Variants in DPP6 observed in about 807,000 individuals in gnomAD.
DPP6 encodes dipeptidyl peptidase like 6.
Under a neutral mutation model 122.6 loss-of-function variants are expected in DPP6, and 69 were observed. The ratio of observed to expected loss-of-function variants is 0.56; its 90% CI spans 0.46 to 0.69. The LOEUF (loss-of-function observed/expected upper bound fraction) is 0.69, where lower values mean the gene tolerates loss of function less well. DPP6 is among the 30% of genes least tolerant of loss of function. The pLI, the probability that DPP6 is intolerant of heterozygous loss-of-function variation, is 0.00. For missense variants in DPP6, 928 were observed against 1,116.9 expected (o/e 0.83, Z 2.41); for synonymous variants, 418 against 433.1 (o/e 0.97, Z 0.43).
chr7:154,019,204 G>A (rs1316347089), intron 1 of DPP6, among the ~76,000 whole-genome samples: 6 of 152,120 alleles, frequency 3.9e-5, no homozygotes, highest in Non-Finnish European at 5.9e-5. Context: ...TGCTTATTAA[G>A]AGTCTGTTAT....
rs186233086 is a variant in DPP6, at chr7:154,892,340, C to A, written c.2458C>A (p.Pro820Thr). The change falls in exon 26 of 26, where the codon CCG becomes ACG. Residue 820 changes from proline to threonine, a missense_variant. Physicochemically the swap from Pro to Thr is conservative, Grantham distance 38. Transcript: ENST00000377770. ...GKANYSLQIY[P>T]DESHYFTSSS... ...CTCCGTGCCTTCCTTGCAGATTTACCCGGACGAAAGCCATTACTTTACCAG... is the reference window on the plus strand; with the variant it reads ...CTCCGTGCCTTCCTTGCAGATTTACACGGACGAAAGCCATTACTTTACCAG... 2 of 1,614,016 alleles carry A rather than the reference C, an allele frequency of 1.2e-6. No individual in the cohort carries two copies. Among genetic ancestry groups the A allele is most frequent in the Non-Finnish European group, 1.7e-6 (2 of 1,179,886 alleles).
At chr7:154,183,067 G>A (rs1024832644) in intron 1 of DPP6, among the ~76,000 whole-genome samples, 3 of 152,188 alleles carry the variant, frequency 2.0e-5, no homozygotes, top group Admixed American at 6.5e-5. Flanking sequence ...TTCACTTCCC[G>A]GATAAGGATT....
intron 8 of DPP6, among the ~76,000 whole-genome samples, chr7:154,750,931 G>A (rs1416806871): frequency 6.6e-6 from 1 of 152,194 alleles, no homozygotes; most frequent in African/African-American, 2.4e-5. Context: ...GGCTCTGGGT[G>A]GTGACATCTC....
At chr7:154,072,187 A>G (rs1282964188) in intron 1 of DPP6, among the ~76,000 whole-genome samples, 23 of 152,286 alleles carry the variant, frequency 1.5e-4, no homozygotes, top group African/African-American at 5.3e-4. Flanking sequence ...AAAACTGGCA[A>G]GATGGAAGAG....
chr7:154,329,548 G>C (rs1175715004), intron 1 of DPP6, among the ~76,000 whole-genome samples: 1 of 152,210 alleles, frequency 6.6e-6, no homozygotes. Flanking sequence ...ATGCTGGAGA[G>C]GATGTGGAGA....
chr7:154,141,124 G>T (rs1309932677), intron 1 of DPP6, among the ~76,000 whole-genome samples: 2 of 152,208 alleles, frequency 1.3e-5, no homozygotes, highest in Non-Finnish European at 2.9e-5. Context: ...AAGCTCTCAC[G>T]TTTGGAGAAG....
At chr7:153,761,471 TCAA>T in the DPP6 span, among the ~76,000 whole-genome samples, 1 of 152,226 alleles carries the variant, frequency 6.6e-6, no homozygotes, top group African/African-American at 2.4e-5. Context: ...GAAAAGCTTG[TCAA>T]CAATTTGACA....
chr7:154,700,265 G>T (rs55931324), intron 7 of DPP6, among the ~76,000 whole-genome samples: 9 of 152,166 alleles, frequency 5.9e-5, no homozygotes, highest in Non-Finnish European at 1.3e-4. Flanking sequence ...TTTCTACAAG[G>T]TTCTGGTGTA....
At chr7:154,461,830 G>C (rs960848651) in intron 2 of DPP6, among the ~76,000 whole-genome samples, 9 of 152,068 alleles carry the variant, frequency 5.9e-5, no homozygotes, top group Admixed American at 4.6e-4. Flanking sequence ...TTTTAACTTT[G>C]TTGATTGTTT....
intron 10 of DPP6, among the ~76,000 whole-genome samples, chr7:154,777,898 T>C (rs539058618): frequency 2.0e-5 from 3 of 152,194 alleles, no homozygotes; most frequent in African/African-American, 7.2e-5. Context: ...TCACTTTCAT[T>C]TTCTTTTGCT....
chr7:154,045,591 T>TA (rs1275764748), intron 1 of DPP6, among the ~76,000 whole-genome samples: 1 of 152,200 alleles, frequency 6.6e-6, no homozygotes, highest in Non-Finnish European at 1.5e-5. Context: ...ATGAGTAGAT[T>TA]AAAAATGCTA....
chr7:154,495,674 G>C (rs1440366366), intron 3 of DPP6, among the ~76,000 whole-genome samples: 1 of 152,154 alleles, frequency 6.6e-6, no homozygotes, highest in Non-Finnish European at 1.5e-5. Flanking sequence ...ACAGGTGTGA[G>C]CCACTGCGGC....
chr7:153,825,322 G>A, the DPP6 span, among the ~76,000 whole-genome samples: 5 of 152,008 alleles, frequency 3.3e-5, no homozygotes, highest in African/African-American at 9.7e-5. Context: ...AGGCTCTACC[G>A]TAGATAGACG....
chr7:154,080,427 G>A (rs1202806763), intron 1 of DPP6, among the ~76,000 whole-genome samples: 1 of 152,170 alleles, frequency 6.6e-6, no homozygotes, highest in East Asian at 1.9e-4. Context: ...CTTCTCTTAT[G>A]TAAGAATGTT....
intron 18 of DPP6, among the ~76,000 whole-genome samples, chr7:154,870,737 C>T (rs541424771): frequency 3.3e-5 from 5 of 151,958 alleles, no homozygotes; most frequent in Admixed American, 2.0e-4. Flanking sequence ...CCGAGGCATG[C>T]GGATCACTTG....
intron 1 of DPP6, among the ~76,000 whole-genome samples, chr7:153,977,997 A>G (rs1796396914): frequency 6.6e-6 from 1 of 152,156 alleles, no homozygotes; most frequent in African/African-American, 2.4e-5. Context: ...TATTGTGAAT[A>G]GTGCCACAAT....
chr7:154,244,563 A>T (rs915184172), intron 1 of DPP6, among the ~76,000 whole-genome samples: 1 of 152,192 alleles, frequency 6.6e-6, no homozygotes, highest in Non-Finnish European at 1.5e-5. Context: ...AACATAGAGG[A>T]TACAAGTAAC....
chr7:154,306,280 A>G (rs1353102436), intron 1 of DPP6, among the ~76,000 whole-genome samples: 1 of 152,180 alleles, frequency 6.6e-6, no homozygotes, highest in Non-Finnish European at 1.5e-5. Context: ...GTGAGGGAGG[A>G]AAGGTGAGTC....
intron 3 of DPP6, among the ~76,000 whole-genome samples, chr7:154,485,436 A>AG (rs1327123767): frequency 6.6e-6 from 1 of 152,184 alleles, no homozygotes; most frequent in African/African-American, 2.4e-5. Context: ...GTCTGGCATT[A>AG]GGAACCCAAT....
Sources: allele counts gnomAD v4.1 joint callset (sites outside exome capture counted in the v4.1 genomes callset), GRCh38; gene constraint gnomAD v4.1.1; transcripts MANE v1.5; gene names NCBI Gene and HGNC (gene_info 2026-07-23, HGNC 2026-07-21).